Variants in CYP51A1 observed in about 807,000 individuals in gnomAD.
The protein encoded by CYP51A1 is cytochrome P450 family 51 subfamily A member 1, also known as lanosterol 14-alpha demethylase.
Under a neutral mutation model 53.5 loss-of-function variants are expected in CYP51A1, and 45 were observed. That is an observed-to-expected ratio of 0.84 (90% CI 0.66 to 1.08). CYP51A1 has a LOEUF of 1.08. CYP51A1 is among the 50% of genes least tolerant of loss of function. The probability of loss-of-function intolerance (pLI) is 0.00; values close to 1 mark genes in which losing one functional copy is unlikely to be tolerated. For missense variants in CYP51A1, 462 were observed against 621.7 expected (o/e 0.74, Z 2.73); for synonymous variants, 181 against 217.7 (o/e 0.83, Z 1.48).
chr7:92,113,967 ATTCTT>A, intron 9 of CYP51A1, 124 bp from the exon 10 acceptor site: 2 of 604,122 alleles, frequency 3.3e-6, no homozygotes, highest in Non-Finnish European at 5.5e-6. Flanking sequence ...AAAAGATGAC[ATTCTT>A]TTCACATAAA....
Position 92,123,270 on chromosome 7 carries a change from A to G in CYP51A1, c.936T>C (p.Ile312=), listed in dbSNP as rs771800145. 5 of 1,614,086 alleles carry G rather than the reference A, an allele frequency of 3.1e-6. No individual in the cohort carries two copies. The African/African-American group carries it at 4.0e-5, about 13-fold the overall frequency. The stretch of plus-strand genomic sequence containing the variant: ...TATGCTGCCCTGCCAAGAGTAATCC[A>G]ATAAGCATCCCTGCTACTTCATCAT... ...LTDDEVAGML[I]GLLLAGQHTS... is the part of the protein sequence containing the mutation. Residue 312 remains isoleucine, a synonymous_variant, in exon 7 of 10, where the codon ATT becomes ATC. Transcript: ENST00000003100.
chr7:92,130,711 T>C (rs1819899586), intron 2 of CYP51A1, among the ~76,000 whole-genome samples: 1 of 152,238 alleles, frequency 6.6e-6, no homozygotes, highest in African/African-American at 2.4e-5. Flanking sequence ...AAGTTTTCTT[T>C]GAATGTTTTA....
Position 92,117,910 on chromosome 7 carries a change from C to T in CYP51A1, c.1182+610G>A, listed in dbSNP as rs189160784. Among the ~76,000 whole-genome samples, 1,469 of 151,946 alleles carry T rather than the reference C, an allele frequency of 9.7e-3. 33 individuals are homozygous for T. The highest frequency in any genetic ancestry group is 0.034 in the African/African-American group (1,400 of 41,438). ...GGCTGAGGCAGAAGAATTGCTTGAA[C>T]CCGGGAGGCGGAGGTTGCAGTGAGC... is the stretch of plus-strand genomic sequence containing the variant. On this transcript the variant is annotated intron_variant, in intron 8 of 9. Transcript: ENST00000003100.
chr7:92,113,284 C>A lies in CYP51A1; in HGVS notation c.*381G>T. On this transcript the variant is annotated 3_prime_UTR_variant, in exon 10 of 10. Coordinates refer to ENST00000003100, the MANE Select transcript of CYP51A1 (RefSeq NM_000786.4). ...CAAGTATCTCACTGGGATTTTTATTCTTTATACCTTGCAGGACTAGTCCAA... is the reference window on the plus strand; with the variant it reads ...CAAGTATCTCACTGGGATTTTTATTATTTATACCTTGCAGGACTAGTCCAA... 6.1e-6 allele frequency: 1 copy of A among 164,962 alleles called. No homozygotes were observed. Among genetic ancestry groups the A allele is most frequent in the Non-Finnish European group, 1.3e-5 (1 of 77,088 alleles). 10.2% of individuals were successfully genotyped at this position (164,962 alleles called of 1,614,324 possible).
chr7:92,120,399 A>C (rs1282499077), intron 7 of CYP51A1, among the ~76,000 whole-genome samples: 1 of 152,254 alleles, frequency 6.6e-6, no homozygotes, highest in Non-Finnish European at 1.5e-5. Context: ...ATATCAATGG[A>C]ATAGAACTGA....
Position 92,134,324 on chromosome 7 carries a change from T to A in CYP51A1, c.41A>T (p.Gln14Leu), listed in dbSNP as rs1257617460. Reference sequence around the variant, plus strand: ...CTGGCCCAGCACCGACCCACCCGCCTGCAGCAAGCCCAGCAGCAGCATCCC... The same window carrying A: ...CTGGCCCAGCACCGACCCACCCGCCAGCAGCAAGCCCAGCAGCAGCATCCC... ...AAGMLLLGLL[Q>L]AGGSVLGQAM... Residue 14 changes from glutamine (Q) to leucine (L), a missense_variant, in exon 1 of 10, where the codon CAG becomes CTG. Gln to Leu is a moderately radical substitution (Grantham distance 113, BLOSUM62 -2). Coordinates refer to ENST00000003100, the MANE Select transcript of CYP51A1 (RefSeq NM_000786.4). 4 of 1,597,580 alleles carry A rather than the reference T, an allele frequency of 2.5e-6. No individual in the cohort carries two copies. The Admixed American group carries it at 6.8e-5, about 27-fold the overall frequency.
At chr7:92,121,021 G>A (rs188291869) in intron 7 of CYP51A1, among the ~76,000 whole-genome samples, 1 of 152,288 alleles carries the variant, frequency 6.6e-6, no homozygotes, top group East Asian at 1.9e-4. Context: ...TGGGCATGGT[G>A]GCTCACACCT....
chr7:92,133,294 G>C (rs950824714), intron 1 of CYP51A1, among the ~76,000 whole-genome samples: 1 of 147,890 alleles, frequency 6.8e-6, no homozygotes, highest in Admixed American at 6.8e-5. Context: ...TCATTCTGTC[G>C]CCCAGACTGG....
Position 92,117,426 on chromosome 7 carries a change from G to A in CYP51A1, c.1183-214C>T, listed in dbSNP as rs1485619433. 1.2e-4 allele frequency: 44 copies of A among 381,992 alleles called. 1 individual carries two copies. In the East Asian group the frequency reaches 2.0e-3, roughly 17 times the overall value. The allele number at this position is 381,992 out of a possible 1,614,324, so 23.7% of individuals were successfully genotyped here. A position where few individuals can be genotyped will look rare whatever the true frequency, so the allele number is the denominator to read the frequency against. On this transcript the variant is annotated intron_variant, in intron 8 of 9. Transcript: ENST00000003100. ...CATCTGTACATATATTTAAAAACTG[G>A]CTAGATAATAGGCAAACTAAAAATT...
intron 4 of CYP51A1, among the ~76,000 whole-genome samples, 155 bp downstream of exon 4, chr7:92,127,350 A>G (rs927560267): frequency 9.9e-5 from 15 of 152,230 alleles, no homozygotes; most frequent in African/African-American, 3.1e-4. Flanking sequence ...TCTCAGTTAC[A>G]ACTTCATGGT....
intron 9 of CYP51A1, among the ~76,000 whole-genome samples, chr7:92,115,014 G>A (rs1819555896): frequency 6.6e-6 from 1 of 152,110 alleles, no homozygotes; most frequent in African/African-American, 2.4e-5. Context: ...AGAGAAGCTT[G>A]GCTTACAGGA....
At chr7:92,125,861 T>G (rs1056364907) in intron 5 of CYP51A1, among the ~76,000 whole-genome samples, 1 of 152,110 alleles carries the variant, frequency 6.6e-6, no homozygotes, top group Non-Finnish European at 1.5e-5. Flanking sequence ...TTGGGCATGG[T>G]GGCACGTGCC....
At chr7:92,120,594 A>G (rs751863735) in intron 7 of CYP51A1, among the ~76,000 whole-genome samples, 2 of 152,138 alleles carry the variant, frequency 1.3e-5, no homozygotes, top group Non-Finnish European at 2.9e-5. Context: ...GCTATAATAG[A>G]TTTTTTTACA....
chr7:92,127,907 C>A (rs971173039), intron 3 of CYP51A1, among the ~76,000 whole-genome samples: 2 of 152,138 alleles, frequency 1.3e-5, no homozygotes, highest in African/African-American at 2.4e-5. Context: ...TCACTAGAAA[C>A]AAGATTTAAT....
At chr7:92,127,664 T>C (rs1341623389) in intron 3 of CYP51A1, 33 bp from the exon 4 acceptor site, 2 of 1,609,120 alleles carry the variant, frequency 1.2e-6, no homozygotes, top group Non-Finnish European at 1.7e-6. Flanking sequence ...GATACGGCAT[T>C]AAAACACATT....
intron 8 of CYP51A1, among the ~76,000 whole-genome samples, 193 bp downstream of exon 8, chr7:92,118,327 G>C (rs1170393137): frequency 6.6e-6 from 1 of 151,876 alleles, no homozygotes; most frequent in Non-Finnish European, 1.5e-5. Context: ...CTAATTTTTA[G>C]AAAAAATTTT....
chr7:92,127,727 C>A, intron 3 of CYP51A1, 96 bp from the exon 4 acceptor site: 3 of 1,246,604 alleles, frequency 2.4e-6, no homozygotes, highest in Non-Finnish European at 3.4e-6. Flanking sequence ...AACACTAACA[C>A]AAGTAATGGT....
chr7:92,118,182 C>T (rs1819617589), intron 8 of CYP51A1, among the ~76,000 whole-genome samples: 1 of 151,862 alleles, frequency 6.6e-6, no homozygotes, highest in African/African-American at 2.4e-5. Flanking sequence ...GAGACAGGGT[C>T]TTGCTCTGTT....
chr7:92,118,334 T>A (rs1031512817), intron 8 of CYP51A1, among the ~76,000 whole-genome samples, 186 bp downstream of exon 8: 2 of 151,978 alleles, frequency 1.3e-5, no homozygotes, highest in Non-Finnish European at 2.9e-5. Context: ...TTAGAAAAAA[T>A]TTTGTAGAGA....
Sources: allele counts gnomAD v4.1 joint callset (sites outside exome capture counted in the v4.1 genomes callset), GRCh38; gene constraint gnomAD v4.1.1; transcripts MANE v1.5; gene names NCBI Gene and HGNC (gene_info 2026-07-23, HGNC 2026-07-21).